Variants in THSD4 observed in about 807,000 individuals in gnomAD.
THSD4 encodes thrombospondin type-1 domain-containing protein 4.
In THSD4, 69 loss-of-function variants were observed where a neutral mutation model predicts 119.0. That is an observed-to-expected ratio of 0.58 (90% CI 0.48 to 0.71). THSD4 has a LOEUF of 0.71. THSD4 is among the 30% of genes least tolerant of loss of function. The pLI is 0.00. For synonymous variants in THSD4, 524 were observed against 540.4 expected, an observed-to-expected ratio of 0.97 and a Z score of 0.42; for missense variants, 1,393 against 1,391.1, an observed-to-expected ratio of 1.00 and a Z score of -0.02.
chr15:71,147,818 C>T (rs2141376793), intron 2 of THSD4: 1 of 151,926 alleles, frequency 6.6e-6, no homozygotes, highest in South Asian at 2.1e-4. Context: ...AACAAATGAA[C>T]AGTTAACTGG....
intron 10 of THSD4, 108 bp from the exon 11 acceptor site, chr15:71,737,624 T>G: frequency 7.0e-7 from 1 of 1,420,446 alleles, no homozygotes; most frequent in Non-Finnish European, 9.3e-7. Flanking sequence ...TGCTGTGACT[T>G]AGAAACGATC....
rs571664620 is a variant in THSD4 at position 71,492,852 on chromosome 15, T to A, written c.1152+81029T>A. Among the ~76,000 whole-genome samples, 16 of 151,840 alleles carry A rather than the reference T, an allele frequency of 1.1e-4. No individual in the cohort carries two copies. In the South Asian group the frequency reaches 3.3e-3, roughly 32 times the overall value. Reference sequence around the variant, plus strand: ...ATTTGCTTGTGGTGAGAATTATTACTGAAGCATGCCACATTTAAACCCTTT... The same window carrying A: ...ATTTGCTTGTGGTGAGAATTATTACAGAAGCATGCCACATTTAAACCCTTT... On this transcript the variant is annotated intron_variant, in intron 7 of 17. Transcript: ENST00000261862.
chr15:71,673,602 T>C (rs2051577691), intron 8 of THSD4, among the ~76,000 whole-genome samples: 1 of 152,228 alleles, frequency 6.6e-6, no homozygotes, highest in Non-Finnish European at 1.5e-5. Flanking sequence ...TTTTAGATCT[T>C]TCCTGCTTTC....
chr15:71,266,677 A>G (rs2044468858), intron 6 of THSD4, among the ~76,000 whole-genome samples: 1 of 152,078 alleles, frequency 6.6e-6, no homozygotes, highest in Admixed American at 6.5e-5. Context: ...CTAAAGGAGC[A>G]TGTTCTAACC....
rs543148989 is a variant in THSD4, at chr15:71,749,565, G to T, written c.2415+971G>T. ...ACACTAGTTCTGCCCCACTTCCCTT[G>T]CTAGAATCCCGTGCGTACACGTTAC... On this transcript the variant is annotated intron_variant, in intron 14 of 17. Transcript: ENST00000261862. Among the ~76,000 whole-genome samples the T allele has an allele frequency of 3.9e-5, 6 of 152,270 alleles. No individual in the cohort carries two copies. The East Asian group carries it at 1.2e-3, about 29-fold the overall frequency.
At chr15:71,477,515 A>C (rs566946881) in intron 7 of THSD4, among the ~76,000 whole-genome samples, 1 of 152,292 alleles carries the variant, frequency 6.6e-6, no homozygotes, top group African/African-American at 2.4e-5. Flanking sequence ...TGGGATTAGG[A>C]GTATGGAGGC....
chr15:71,227,090 C>T (rs1028439329), intron 4 of THSD4, among the ~76,000 whole-genome samples: 2 of 152,118 alleles, frequency 1.3e-5, no homozygotes, highest in Non-Finnish European at 2.9e-5. Flanking sequence ...CAGAGCTAGG[C>T]CTGATGGTAT....
At chr15:71,544,097 CCAA>C (rs1029081739) in intron 7 of THSD4, among the ~76,000 whole-genome samples, 11 of 152,044 alleles carry the variant, frequency 7.2e-5, no homozygotes, top group African/African-American at 2.4e-4. Flanking sequence ...ATAGGATGGC[CCAA>C]CAAGGGCAGA....
At chr15:71,520,157 A>C (rs541790654) in intron 7 of THSD4, among the ~76,000 whole-genome samples, 1 of 152,230 alleles carries the variant, frequency 6.6e-6, no homozygotes, top group Non-Finnish European at 1.5e-5. Flanking sequence ...CAAGTAAGCA[A>C]TATGGCTGGG....
chr15:71,509,395 A>G (rs1167482907), intron 7 of THSD4, among the ~76,000 whole-genome samples: 1 of 152,220 alleles, frequency 6.6e-6, no homozygotes, highest in Admixed American at 6.5e-5. Flanking sequence ...CATGAGTAAT[A>G]AAGTCCTTTG....
intron 7 of THSD4, among the ~76,000 whole-genome samples, chr15:71,595,896 CTG>C (rs1398589145): frequency 1.3e-5 from 2 of 152,332 alleles, no homozygotes; most frequent in East Asian, 3.9e-4. Context: ...GGACTTGTGT[CTG>C]TGTTTTTGTT....
At chr15:71,385,537 GA>G (rs1398974561) in intron 6 of THSD4, among the ~76,000 whole-genome samples, 4 of 151,632 alleles carry the variant, frequency 2.6e-5, no homozygotes, top group African/African-American at 7.3e-5. Context: ...ACAGAAAACA[GA>G]AGTGACTTAT....
At chr15:71,602,704 G>A (rs935550756) in intron 7 of THSD4, among the ~76,000 whole-genome samples, 1 of 152,188 alleles carries the variant, frequency 6.6e-6, no homozygotes, top group African/African-American at 2.4e-5. Flanking sequence ...ATTGGTGGCT[G>A]CCAGGGGCTG....
At position 71,418,442 on chromosome 15, in the gene THSD4, A is replaced by G. The variant is rs1225278436; in HGVS notation, c.1152+6619A>G. On this transcript the variant is annotated intron_variant, in intron 7 of 17. Transcript: ENST00000261862. The stretch of plus-strand genomic sequence containing the variant: ...TTAAGGCATGTTCCTTCTATACCCA[A>G]CTTTTTGAGGGTTTTTATCATGAAG... Among the ~76,000 whole-genome samples the G allele has an allele frequency of 2.8e-5, 3 of 108,806 alleles. 1 individual carries two copies. The highest frequency in any genetic ancestry group is 6.1e-5 in the Non-Finnish European group (3 of 49,220). 71.4% of individuals were successfully genotyped at this position (108,806 alleles called of 152,430 possible). A position where few individuals can be genotyped will look rare whatever the true frequency, so the allele number is the denominator to read the frequency against.
At chr15:71,596,850 C>A (rs1035823236) in intron 7 of THSD4, among the ~76,000 whole-genome samples, 1 of 152,114 alleles carries the variant, frequency 6.6e-6, no homozygotes, top group African/African-American at 2.4e-5. Context: ...TTTGTCGGGC[C>A]CCTAGGTGAC....
intron 7 of THSD4, among the ~76,000 whole-genome samples, chr15:71,459,380 G>GTCTC (rs141034841): frequency 0.11 from 15,320 of 137,298 alleles, 1,055 homozygotes; most frequent in South Asian, 0.17. Flanking sequence ...CTGTCTCTCT[G>GTCTC]TCTCTCTCTC....
intron 7 of THSD4, among the ~76,000 whole-genome samples, chr15:71,474,775 C>G (rs910467477): frequency 2.0e-5 from 3 of 152,172 alleles, no homozygotes; most frequent in African/African-American, 7.2e-5. Flanking sequence ...TCCCTTGGCT[C>G]TCTCCTTGCA....
Position 71,725,702 on chromosome 15 carries a change from A to C in THSD4, c.1358-2847A>C, listed in dbSNP as rs145094897. Among the ~76,000 whole-genome samples, 323 of 152,262 alleles carry C rather than the reference A, an allele frequency of 2.1e-3. 1 individual carries two copies. Among genetic ancestry groups the C allele is most frequent in the Non-Finnish European group, 3.9e-3 (265 of 68,022 alleles). On this transcript the variant is annotated intron_variant, in intron 8 of 17. Coordinates refer to ENST00000261862, the MANE Select transcript of THSD4 (RefSeq NM_024817.3). ...GCAACATGGGGGTCTTGGTGAGCTA[A>C]TTTTAAATTTCCTCAATGGAATGAT...
At chr15:71,554,768 A>G (rs1426367767) in intron 7 of THSD4, among the ~76,000 whole-genome samples, 1 of 151,800 alleles carries the variant, frequency 6.6e-6, no homozygotes, top group Non-Finnish European at 1.5e-5. Context: ...CAACCGTAAC[A>G]CCATCCAGCT....
Sources: allele counts gnomAD v4.1 joint callset (sites outside exome capture counted in the v4.1 genomes callset), GRCh38; gene constraint gnomAD v4.1.1; transcripts MANE v1.5; gene names NCBI Gene and HGNC (gene_info 2026-07-23, HGNC 2026-07-21).